Variants in KYNU observed in about 807,000 individuals in gnomAD.
KYNU encodes the protein kynureninase, also known as L-kynurenine hydrolase.
A neutral mutation model predicts 59.2 loss-of-function variants in KYNU; 54 were observed. That is an observed-to-expected ratio of 0.91 (90% CI 0.73 to 1.14). KYNU has a LOEUF of 1.14. KYNU is among the 50% of genes most tolerant of loss of function. The pLI, the probability that KYNU is intolerant of heterozygous loss-of-function variation, is 0.00. For missense variants in KYNU, 567 were observed against 554.4 expected, an observed-to-expected ratio of 1.02 and a Z score of -0.23; for synonymous variants, 177 against 192.0, an observed-to-expected ratio of 0.92 and a Z score of 0.65.
chr2:142,989,352 A>T (rs1478444209), intron 10 of KYNU: 2 of 1,001,252 alleles, frequency 2.0e-6, no homozygotes, highest in African/African-American at 1.7e-5. Context: ...AGCTTTAGAG[A>T]GACCAAAGAG....
At chr2:142,924,397 G>A (rs351711) in intron 3 of KYNU, among the ~76,000 whole-genome samples, 3,947 of 152,232 alleles carry the variant, frequency 0.026, 174 homozygotes, top group Admixed American at 0.11. Context: ...GTGAGCCACC[G>A]TCCCTGGCCT....
Position 142,957,654 on chromosome 2 carries a change from C to A in KYNU, c.521C>A (p.Ser174Ter). 2.5e-6 allele frequency: 4 copies of A among 1,601,618 alleles called. No homozygotes were observed. In the South Asian group the frequency reaches 3.3e-5, roughly 13 times the overall value. ...TTTCCTTTTTAGTATGCTATTGAGTCACAACTACAACTTCACGGACTTAAC... is the reference window on the plus strand; with the variant it reads ...TTTCCTTTTTAGTATGCTATTGAGTAACAACTACAACTTCACGGACTTAAC... ...AFPSDHYAIESQLQLHGLNIE... is the reference protein window; with the variant it reads ...AFPSDHYAIE Residue 174 changes from serine (S) to a stop codon, truncating the protein, a stop_gained, in exon 7 of 14, where the codon TCA (serine) becomes TAA (stop). Transcript: ENST00000264170. LOFTEE classifies it high-confidence loss of function.
intron 11 of KYNU, among the ~76,000 whole-genome samples, chr2:143,031,161 G>C (rs1486757431): frequency 2.0e-5 from 3 of 152,138 alleles, no homozygotes; most frequent in Non-Finnish European, 4.4e-5. Context: ...CAGGATACCT[G>C]TATTTTACCT....
At chr2:142,986,826 C>T (rs954528309) in intron 10 of KYNU, among the ~76,000 whole-genome samples, 20 of 151,774 alleles carry the variant, frequency 1.3e-4, no homozygotes, top group African/African-American at 4.6e-4. Context: ...TTCTGAATTT[C>T]CTCAGCCACT....
chr2:142,890,092 C>T (rs1403287376), intron 2 of KYNU, among the ~76,000 whole-genome samples: 2 of 149,316 alleles, frequency 1.3e-5, no homozygotes, highest in Non-Finnish European at 3.0e-5. Context: ...CAACATTGTC[C>T]TAAAGAGCAC....
intron 10 of KYNU, among the ~76,000 whole-genome samples, chr2:142,988,477 G>C (rs1685290439): frequency 6.6e-6 from 1 of 151,912 alleles, no homozygotes; most frequent in Non-Finnish European, 1.5e-5. Context: ...TATGCTATAA[G>C]AAAGAATTCT....
chr2:143,020,526 G>T (rs1017538488), intron 10 of KYNU, among the ~76,000 whole-genome samples: 2 of 152,112 alleles, frequency 1.3e-5, no homozygotes, highest in African/African-American at 4.8e-5. Flanking sequence ...AAAAGTTGTT[G>T]AGAATTGTTT....
At chr2:142,972,453 A>G (rs552808378) in intron 8 of KYNU, among the ~76,000 whole-genome samples, 26 of 152,168 alleles carry the variant, frequency 1.7e-4, no homozygotes, top group Non-Finnish European at 3.4e-4. Flanking sequence ...TTAAGCAAGC[A>G]GAGATGAAAC....
At chr2:142,963,107 T>A (rs1418017984) in intron 8 of KYNU, among the ~76,000 whole-genome samples, 1 of 152,298 alleles carries the variant, frequency 6.6e-6, no homozygotes, top group Non-Finnish European at 1.5e-5. Context: ...AAAATCTTCA[T>A]AGTCATGTGA....
intron 2 of KYNU, 38 bp from the exon 3 acceptor site, chr2:142,918,571 T>C (rs747728386): frequency 1.4e-6 from 2 of 1,470,176 alleles, no homozygotes; most frequent in Non-Finnish European, 1.8e-6. Context: ...AAAAAGCTTT[T>C]ATTTTTTTTT....
At chr2:142,963,248 G>C (rs1558947206) in intron 8 of KYNU, among the ~76,000 whole-genome samples, 1 of 151,004 alleles carries the variant, frequency 6.6e-6, no homozygotes, top group African/African-American at 2.4e-5. Flanking sequence ...ACCCCATCAA[G>C]AAAAAAAAAG....
intron 10 of KYNU, among the ~76,000 whole-genome samples, chr2:142,990,608 A>G (rs1335522689): frequency 1.3e-5 from 2 of 151,856 alleles, no homozygotes; most frequent in African/African-American, 2.4e-5. Context: ...GAAATCATAC[A>G]TACTGAAAAC....
intron 4 of KYNU, among the ~76,000 whole-genome samples, chr2:142,933,502 G>T (rs1240337203): frequency 3.3e-5 from 5 of 152,148 alleles, no homozygotes; most frequent in African/African-American, 7.2e-5. Flanking sequence ...AAAAGAGAGA[G>T]AATTTTTTGC....
chr2:143,005,177 T>A (rs1490427662), intron 10 of KYNU, among the ~76,000 whole-genome samples: 1 of 152,144 alleles, frequency 6.6e-6, no homozygotes, highest in East Asian at 1.9e-4. Flanking sequence ...CACTAGCAAA[T>A]TCATTAATAC....
intron 8 of KYNU, among the ~76,000 whole-genome samples, chr2:142,983,593 A>G (rs1207830657): frequency 6.6e-6 from 1 of 152,084 alleles, no homozygotes; most frequent in African/African-American, 2.4e-5. Context: ...CTTTCATATT[A>G]CTAGGATACA....
intron 13 of KYNU, among the ~76,000 whole-genome samples, chr2:143,041,236 G>A (rs925914547): frequency 1.1e-4 from 17 of 151,780 alleles, no homozygotes; most frequent in Admixed American, 2.0e-4. Flanking sequence ...TAATTTCAGG[G>A]AAAAAAGATA....
At chr2:142,909,835 G>T (rs1313617015) in intron 2 of KYNU, among the ~76,000 whole-genome samples, 1 of 152,098 alleles carries the variant, frequency 6.6e-6, no homozygotes, top group African/African-American at 2.4e-5. Context: ...GGGTTGCTGG[G>T]TCAAATAGTA....
intron 10 of KYNU, among the ~76,000 whole-genome samples, chr2:143,013,769 T>C (rs868011815): frequency 6.6e-6 from 1 of 152,142 alleles, no homozygotes; most frequent in African/African-American, 2.4e-5. Flanking sequence ...AGAATGACAT[T>C]GCAAAGGTAG....
At chr2:143,001,595 T>C (rs1685709257) in intron 10 of KYNU, among the ~76,000 whole-genome samples, 1 of 152,316 alleles carries the variant, frequency 6.6e-6, no homozygotes, top group South Asian at 2.1e-4. Context: ...GCTTCTGCTT[T>C]CCTGCTGGCT....
Sources: allele counts gnomAD v4.1 joint callset (sites outside exome capture counted in the v4.1 genomes callset), GRCh38; gene constraint gnomAD v4.1.1; transcripts MANE v1.5; gene names NCBI Gene and HGNC (gene_info 2026-07-23, HGNC 2026-07-21).